Variants in HPSE2 observed in about 807,000 individuals in gnomAD.
HPSE2 encodes the protein inactive heparanase-2.
A neutral mutation model predicts 60.5 loss-of-function variants in HPSE2; 38 were observed. That is an observed-to-expected ratio of 0.63 (90% CI 0.48 to 0.82). The LOEUF is 0.82. Ranked by LOEUF, HPSE2 falls within the 40% of genes least tolerant of loss-of-function variation. The probability of loss-of-function intolerance (pLI) is 0.00; values close to 1 mark genes in which losing one functional copy is unlikely to be tolerated. For synonymous variants in HPSE2, 295 were observed against 293.2 expected, an observed-to-expected ratio of 1.01 and a Z score of -0.06; for missense variants, 713 against 740.4, an observed-to-expected ratio of 0.96 and a Z score of 0.43.
intron 5 of HPSE2, among the ~76,000 whole-genome samples, chr10:98,716,949 G>A (rs1948806517): frequency 6.6e-6 from 1 of 151,920 alleles, no homozygotes; most frequent in Non-Finnish European, 1.5e-5. Flanking sequence ...AATTCATAGA[G>A]ACCCTACGAT....
At chr10:98,468,220 G>C (rs1940631690) in intron 11 of HPSE2, among the ~76,000 whole-genome samples, 1 of 152,194 alleles carries the variant, frequency 6.6e-6, no homozygotes, top group African/African-American at 2.4e-5. Context: ...GGGGCAGCTT[G>C]AACAGGAAGT....
chr10:98,716,695 G>T lies in HPSE2; in HGVS notation c.956+4962C>A, dbSNP rs575822290. ...AACATGACTCCTTGATCTCTAGGCT[G>T]CAGAATGGAGGGTGAGTTAGCAGGC... On this transcript the variant is annotated intron_variant, in intron 5 of 11. Transcript: ENST00000370552. Among the ~76,000 whole-genome samples, 24 of 152,184 alleles carry T rather than the reference G, an allele frequency of 1.6e-4. No individual in the cohort carries two copies. In the South Asian group the frequency reaches 3.5e-3, roughly 22 times the overall value.
intron 6 of HPSE2, among the ~76,000 whole-genome samples, chr10:98,676,816 T>C (rs1947655381): frequency 6.6e-6 from 1 of 152,180 alleles, no homozygotes; most frequent in South Asian, 2.1e-4. Flanking sequence ...TTTTGGATTT[T>C]ATTGTGCGTG....
At chr10:98,471,778 ACT>A (rs1940791779) in intron 11 of HPSE2, among the ~76,000 whole-genome samples, 1 of 151,996 alleles carries the variant, frequency 6.6e-6, no homozygotes, top group African/African-American at 2.4e-5. Flanking sequence ...CTGATAGCCA[ACT>A]CTGTGTTTCT....
At chr10:98,905,563 C>A (rs532415780) in intron 3 of HPSE2, among the ~76,000 whole-genome samples, 6 of 152,196 alleles carry the variant, frequency 3.9e-5, no homozygotes, top group African/African-American at 1.4e-4. Flanking sequence ...ATTCATTCAG[C>A]CTATAGGTAT....
chr10:98,591,821 C>T (rs1945099685), intron 9 of HPSE2, among the ~76,000 whole-genome samples: 2 of 152,146 alleles, frequency 1.3e-5, no homozygotes, highest in African/African-American at 2.4e-5. Context: ...TATCAGCGCA[C>T]GTATAACACT....
At chr10:98,615,230 G>C (rs1945875082) in intron 8 of HPSE2, among the ~76,000 whole-genome samples, 2 of 152,248 alleles carry the variant, frequency 1.3e-5, no homozygotes, top group South Asian at 4.2e-4. Flanking sequence ...GATAGAAAAA[G>C]AAACAGAGGT....
intron 3 of HPSE2, chr10:99,047,849 A>G: frequency 1.3e-6 from 1 of 778,986 alleles, no homozygotes; most frequent in South Asian, 1.3e-5. Context: ...TGAAATTTGA[A>G]TGGCGAGGAT....
chr10:98,547,648 A>G (rs1206044163), intron 9 of HPSE2, among the ~76,000 whole-genome samples: 1 of 105,924 alleles, frequency 9.4e-6, no homozygotes, highest in Non-Finnish European at 1.8e-5. Flanking sequence ...CACTCTGGGG[A>G]CTGTTGTGGG....
chr10:98,837,742 C>A (rs980613463), intron 3 of HPSE2, among the ~76,000 whole-genome samples: 1 of 152,000 alleles, frequency 6.6e-6, no homozygotes, highest in Non-Finnish European at 1.5e-5. Context: ...GGCGTGGTGG[C>A]GGGCGCCTGC....
At chr10:99,305,979 G>GCGCGCGCGCGCGCACACACACA in the HPSE2 span, among the ~76,000 whole-genome samples, 33 of 80,572 alleles carry the variant, frequency 4.1e-4, no homozygotes, top group Non-Finnish European at 6.9e-4. Context: ...GCGCGCGCGC[G>GCGCGCGCGCGCGCACACACACA]CACACACACA....
chr10:98,969,072 T>C (rs1374054270), intron 3 of HPSE2, among the ~76,000 whole-genome samples: 1 of 152,186 alleles, frequency 6.6e-6, no homozygotes, highest in African/African-American at 2.4e-5. Flanking sequence ...TAGGTAAGTA[T>C]TTTTAACATA....
chr10:99,115,813 A>G lies in HPSE2; in HGVS notation c.610+28425T>C, dbSNP rs61883571. ...AGAGGACTTCTAAGCAACAGAGAGC[A>G]TATCTTTGTACTTAAAATTTGACTT... is the stretch of plus-strand genomic sequence containing the variant. On this transcript the variant is annotated intron_variant, in intron 3 of 11. Coordinates refer to ENST00000370552, the MANE Select transcript of HPSE2 (RefSeq NM_021828.5). Among the ~76,000 whole-genome samples the G allele has an allele frequency of 9.6e-3, 1,459 of 152,340 alleles. 11 individuals carry two copies. Among genetic ancestry groups the G allele is most frequent in the Non-Finnish European group, 0.014 (978 of 68,028 alleles).
intron 3 of HPSE2, among the ~76,000 whole-genome samples, chr10:98,806,137 G>A (rs937026390): frequency 9.2e-5 from 14 of 152,270 alleles, no homozygotes; most frequent in African/African-American, 3.4e-4. Flanking sequence ...GTCTGTATGT[G>A]ACCTGGCGCA....
intron 7 of HPSE2, among the ~76,000 whole-genome samples, chr10:98,628,675 A>T (rs931446985): frequency 6.6e-6 from 1 of 152,096 alleles, no homozygotes; most frequent in Non-Finnish European, 1.5e-5. Flanking sequence ...GTACCCTGAA[A>T]ATTGCTCAGT....
At chr10:98,947,724 CT>C (rs1955229412) in intron 3 of HPSE2, among the ~76,000 whole-genome samples, 1 of 115,134 alleles carries the variant, frequency 8.7e-6, no homozygotes, top group South Asian at 3.0e-4. Context: ...AGGACTGCCC[CT>C]ATCTATGAAG....
chr10:98,733,275 A>G (rs1949273074), intron 4 of HPSE2, among the ~76,000 whole-genome samples: 1 of 151,996 alleles, frequency 6.6e-6, no homozygotes, highest in Non-Finnish European at 1.5e-5. Context: ...GCACGCCAGC[A>G]TATTCTGCTT....
chr10:98,936,781 C>G (rs759248571), intron 3 of HPSE2, among the ~76,000 whole-genome samples: 2 of 141,956 alleles, frequency 1.4e-5, no homozygotes, highest in Non-Finnish European at 1.5e-5. Context: ...AAGTTCAAGA[C>G]TAGCCTGGCC....
At chr10:98,864,752 C>A (rs1952547194) in intron 3 of HPSE2, among the ~76,000 whole-genome samples, 1 of 152,014 alleles carries the variant, frequency 6.6e-6, no homozygotes, top group African/African-American at 2.4e-5. Context: ...GGTTTTTTTT[C>A]TTTGACATTC....
Sources: allele counts gnomAD v4.1 joint callset (sites outside exome capture counted in the v4.1 genomes callset), GRCh38; gene constraint gnomAD v4.1.1; transcripts MANE v1.5; gene names NCBI Gene and HGNC (gene_info 2026-07-23, HGNC 2026-07-21).